Variants in PXDNL observed in about 807,000 individuals in gnomAD.
The protein encoded by PXDNL is probable oxidoreductase PXDNL.
A neutral mutation model predicts 150.8 loss-of-function variants in PXDNL; 145 were observed. The observed-to-expected ratio is 0.96, with a 90% CI of 0.84 to 1.10. The LOEUF is 1.10. PXDNL is among the 50% of genes least tolerant of loss of function. The probability of loss-of-function intolerance (pLI) is 0.00; values close to 1 mark genes in which losing one functional copy is unlikely to be tolerated. For synonymous variants in PXDNL, 757 were observed against 725.7 expected, an observed-to-expected ratio of 1.04 and a Z score of -0.69; for missense variants, 2,087 against 1,873.9, an observed-to-expected ratio of 1.11 and a Z score of -2.10.
At chr8:51,573,394 C>G (rs999462027) in intron 3 of PXDNL, among the ~76,000 whole-genome samples, 1 of 152,010 alleles carries the variant, frequency 6.6e-6, no homozygotes, top group Non-Finnish European at 1.5e-5. Flanking sequence ...GCTGTCCTTC[C>G]TGCTCCCCAC....
intron 2 of PXDNL, among the ~76,000 whole-genome samples, chr8:51,653,615 T>C (rs1815086857): frequency 6.6e-6 from 1 of 152,194 alleles, no homozygotes; most frequent in Non-Finnish European, 1.5e-5. Context: ...CTTTCTTATG[T>C]TCTTACATCA....
intron 8 of PXDNL, among the ~76,000 whole-genome samples, chr8:51,460,140 C>T (rs1810039549): frequency 6.6e-6 from 1 of 150,842 alleles, no homozygotes. Context: ...GTCCCAGCTA[C>T]TTGGAGGCTG....
intron 13 of PXDNL, among the ~76,000 whole-genome samples, chr8:51,426,410 AC>A (rs1809099917): frequency 6.6e-6 from 1 of 152,242 alleles, no homozygotes; most frequent in South Asian, 2.1e-4. Flanking sequence ...AGTGTTCATC[AC>A]CAGGCAAATT....
At chr8:51,430,035 A>C (rs2129791480) in intron 12 of PXDNL, among the ~76,000 whole-genome samples, 1 of 152,082 alleles carries the variant, frequency 6.6e-6, no homozygotes, top group South Asian at 2.1e-4. Context: ...TCCAATCAAG[A>C]AGTCTCCAGT....
intron 1 of PXDNL, among the ~76,000 whole-genome samples, chr8:51,715,883 A>G (rs1022951651): frequency 2.6e-5 from 4 of 152,010 alleles, no homozygotes; most frequent in East Asian, 1.9e-4. Context: ...AGTAAATGAC[A>G]TTACCTGAAA....
At chr8:51,464,438 T>C (rs566404687) in intron 8 of PXDNL, among the ~76,000 whole-genome samples, 22 of 72,540 alleles carry the variant, frequency 3.0e-4, no homozygotes, top group Non-Finnish European at 5.6e-4. Flanking sequence ...AAGTTGGTCA[T>C]TGGAAAGGAT....
At position 51,472,392 on chromosome 8, in the gene PXDNL, A is replaced by G. The variant is rs78173869; in HGVS notation, c.695-88T>C. ...TGAGAAAGAGATATAGGCAATTTAA[A>G]TTTATTTCTACATTAAAGTTTTACA... On this transcript the variant is annotated intron_variant, in intron 7 of 22. Transcript: ENST00000356297. 431 of 935,514 alleles carry G rather than the reference A, an allele frequency of 4.6e-4. 4 individuals carry two copies. In the African/African-American group the frequency reaches 6.5e-3, roughly 14 times the overall value. 58.0% of individuals were successfully genotyped at this position (935,514 alleles called of 1,614,324 possible). A position where few individuals can be genotyped will look rare whatever the true frequency, so the allele number is the denominator to read the frequency against.
At chr8:51,632,749 G>T (rs1390286021) in intron 2 of PXDNL, among the ~76,000 whole-genome samples, 1 of 152,138 alleles carries the variant, frequency 6.6e-6, no homozygotes, top group East Asian at 1.9e-4. Context: ...AGCTTTAATA[G>T]ATTGAAATAA....
chr8:51,408,821 G>C lies in PXDNL; in HGVS notation c.2803C>G (p.Pro935Ala), dbSNP rs1054482518. ...TCGGTGGGTGGGCCTGTAGAAAAGG[G>C]CAATAAGGGCTTTCCGGAGGGAGGC... The part of the protein sequence containing the change: ...PWPPSGKPLL[P>A]FSTGPPTECA... Residue 935 changes from proline (P) to alanine (A), a missense_variant, in exon 17 of 23, where the codon CCC becomes GCC. Coordinates refer to ENST00000356297, the MANE Select transcript of PXDNL (RefSeq NM_144651.5). 1 of 1,570,658 alleles carries C rather than the reference G, an allele frequency of 6.4e-7. No homozygotes were observed. The highest frequency in any genetic ancestry group is 1.4e-5 in the African/African-American group (1 of 73,578).
chr8:51,735,987 A>G (rs763475116), intron 1 of PXDNL, among the ~76,000 whole-genome samples: 39 of 152,336 alleles, frequency 2.6e-4, no homozygotes, highest in Non-Finnish European at 5.1e-4. Context: ...ACCACACCGT[A>G]AACCTAATAA....
At chr8:51,458,576 C>T (rs751487862) in intron 8 of PXDNL, among the ~76,000 whole-genome samples, 6 of 152,136 alleles carry the variant, frequency 3.9e-5, no homozygotes, top group Non-Finnish European at 5.9e-5. Context: ...TTCTAAACAC[C>T]GATGTTTTGT....
intron 9 of PXDNL, among the ~76,000 whole-genome samples, chr8:51,455,731 G>A (rs1265082163): frequency 1.3e-5 from 2 of 152,116 alleles, no homozygotes; most frequent in Non-Finnish European, 2.9e-5. Flanking sequence ...GGAGGCTTTG[G>A]AAGGAGACAG....
chr8:51,405,171 C>T (rs1340590452), intron 17 of PXDNL, among the ~76,000 whole-genome samples: 2 of 152,160 alleles, frequency 1.3e-5, no homozygotes, highest in African/African-American at 4.8e-5. Flanking sequence ...TTCCACACCT[C>T]CTGGCAAGCA....
At chr8:51,794,024 A>G (rs1241536156) in intron 1 of PXDNL, among the ~76,000 whole-genome samples, 2 of 152,090 alleles carry the variant, frequency 1.3e-5, no homozygotes, top group Non-Finnish European at 2.9e-5. Flanking sequence ...CAATGCAACC[A>G]CAAGTATCAT....
At chr8:51,488,437 C>T (rs1333752991) in intron 5 of PXDNL, among the ~76,000 whole-genome samples, 1 of 151,952 alleles carries the variant, frequency 6.6e-6, no homozygotes, top group Non-Finnish European at 1.5e-5. Flanking sequence ...TAATTAGTAG[C>T]CACCATCCAT....
intron 1 of PXDNL, among the ~76,000 whole-genome samples, chr8:51,698,412 C>A (rs1193309523): frequency 1.3e-5 from 2 of 152,130 alleles, no homozygotes; most frequent in Non-Finnish European, 2.9e-5. Context: ...ACTTTTTTTG[C>A]TCATCCATAA....
At chr8:51,756,973 G>A (rs1330800278) in intron 1 of PXDNL, among the ~76,000 whole-genome samples, 1 of 152,006 alleles carries the variant, frequency 6.6e-6, no homozygotes, top group African/African-American at 2.4e-5. Context: ...TCATACCAAA[G>A]TTTTATATTG....
chr8:51,675,191 C>G (rs1017132648), intron 1 of PXDNL, among the ~76,000 whole-genome samples: 13 of 152,162 alleles, frequency 8.5e-5, no homozygotes, highest in African/African-American at 3.1e-4. Flanking sequence ...GAATGTCTCC[C>G]CTCCAAAATT....
At chr8:51,666,611 T>G (rs1815392865) in intron 1 of PXDNL, among the ~76,000 whole-genome samples, 2 of 152,082 alleles carry the variant, frequency 1.3e-5, no homozygotes, top group South Asian at 4.2e-4. Context: ...TTACCCAAAG[T>G]CTTAAAAAAT....
Sources: allele counts gnomAD v4.1 joint callset (sites outside exome capture counted in the v4.1 genomes callset), GRCh38; gene constraint gnomAD v4.1.1; transcripts MANE v1.5; gene names NCBI Gene and HGNC (gene_info 2026-07-23, HGNC 2026-07-21).